EPHA6: variants seen among roughly 807,000 people sequenced by gnomAD.
The protein encoded by EPHA6 is EPH receptor A6.
A neutral mutation model predicts 112.0 loss-of-function variants in EPHA6; 50 were observed. That is an observed-to-expected ratio of 0.45 (90% CI 0.36 to 0.56). The LOEUF (loss-of-function observed/expected upper bound fraction) is 0.56, where lower values mean the gene tolerates loss of function less well. Ranked by LOEUF, EPHA6 falls within the 20% of genes least tolerant of loss-of-function variation. The pLI is 0.00. For synonymous variants in EPHA6, 529 were observed against 490.7 expected, an observed-to-expected ratio of 1.08 and a Z score of -1.03; for missense variants, 1,280 against 1,417.4, an observed-to-expected ratio of 0.90 and a Z score of 1.56.
intron 5 of EPHA6, among the ~76,000 whole-genome samples, chr3:97,393,343 T>C (rs905038393): frequency 3.3e-5 from 5 of 151,942 alleles, no homozygotes; most frequent in Middle Eastern, 3.4e-3. Flanking sequence ...CCTCTGGAAC[T>C]AAATAATAGT....
chr3:97,013,884 T>A (rs1053958737), intron 3 of EPHA6, among the ~76,000 whole-genome samples: 4 of 152,126 alleles, frequency 2.6e-5, no homozygotes, highest in African/African-American at 7.2e-5. Context: ...GTTTTTGGCA[T>A]GGGTCTTCAG....
chr3:97,334,866 C>T lies in EPHA6; in HGVS notation c.1607-70284C>T, dbSNP rs1485066243. 4.6e-5 allele frequency among the ~76,000 whole-genome samples: 7 copies of T among 151,938 alleles called. No homozygotes were observed. The East Asian group carries it at 1.4e-3, about 29-fold the overall frequency. ...TTTTCAGTTTTCTGTTGTCTTTCTCCCATTGATTTCTCATTTGATTCCATT... is the reference window on the plus strand; with the variant it reads ...TTTTCAGTTTTCTGTTGTCTTTCTCTCATTGATTTCTCATTTGATTCCATT... On this transcript the variant is annotated intron_variant, in intron 5 of 17. Coordinates refer to ENST00000389672, the MANE Select transcript of EPHA6 (RefSeq NM_001080448.3).
At chr3:97,414,603 A>T (rs2087978845) in intron 6 of EPHA6, among the ~76,000 whole-genome samples, 1 of 151,992 alleles carries the variant, frequency 6.6e-6, no homozygotes, top group Non-Finnish European at 1.5e-5. Context: ...TCAAGGGTAG[A>T]CTTAAGTGTC....
intron 14 of EPHA6, among the ~76,000 whole-genome samples, chr3:97,690,346 G>T (rs920903322): frequency 6.6e-6 from 1 of 152,154 alleles, no homozygotes; most frequent in Non-Finnish European, 1.5e-5. Flanking sequence ...ATTTCTAATG[G>T]ATGTGAAATG....
chr3:97,009,107 A>C (rs958638709), intron 3 of EPHA6, among the ~76,000 whole-genome samples: 2 of 151,894 alleles, frequency 1.3e-5, no homozygotes, highest in Non-Finnish European at 2.9e-5. Flanking sequence ...GGGGAGCAGG[A>C]CTCATTTAGT....
intron 3 of EPHA6, among the ~76,000 whole-genome samples, chr3:97,219,653 C>T (rs1284465493): frequency 6.6e-6 from 1 of 152,094 alleles, no homozygotes; most frequent in Non-Finnish European, 1.5e-5. Flanking sequence ...TTTTTCCCTC[C>T]TAGGCCTCCA....
intron 3 of EPHA6, among the ~76,000 whole-genome samples, chr3:97,081,931 A>G (rs1421059173): frequency 2.0e-5 from 3 of 151,670 alleles, no homozygotes; most frequent in African/African-American, 7.2e-5. Flanking sequence ...GCAAATTTTG[A>G]AAGAAAATTT....
At chr3:97,546,969 CT>C (rs1577728922) in intron 11 of EPHA6, among the ~76,000 whole-genome samples, 1 of 152,010 alleles carries the variant, frequency 6.6e-6, no homozygotes, top group African/African-American at 2.4e-5. Flanking sequence ...CATTCGTCTA[CT>C]TTTTTTTCAA....
Position 97,517,568 on chromosome 3 carries a change from G to A in EPHA6, c.2201-14790G>A, listed in dbSNP as rs984761774. ...CTAAATCAAGCTAATTAAAAAATTT[G>A]TTACTTCACATGCTTATTTTTGTGG... On this transcript the variant is annotated intron_variant, in intron 10 of 17. Coordinates refer to ENST00000389672, the MANE Select transcript of EPHA6 (RefSeq NM_001080448.3). Among the ~76,000 whole-genome samples the A allele has an allele frequency of 2.0e-4, 31 of 151,924 alleles. 1 individual carries two copies. Among genetic ancestry groups the A allele is most frequent in the Non-Finnish European group, 2.5e-4 (17 of 67,932 alleles).
At chr3:96,915,484 G>A (rs1336066363) in intron 2 of EPHA6, among the ~76,000 whole-genome samples, 1 of 151,970 alleles carries the variant, frequency 6.6e-6, no homozygotes. Context: ...AACACATATT[G>A]TTTACCTACT....
At chr3:97,683,848 A>T (rs952607455) in intron 14 of EPHA6, among the ~76,000 whole-genome samples, 1 of 152,138 alleles carries the variant, frequency 6.6e-6, no homozygotes, top group Non-Finnish European at 1.5e-5. Flanking sequence ...GAAGAAAAGG[A>T]ATTGTTCATT....
At chr3:97,207,399 G>C (rs924915640) in intron 3 of EPHA6, among the ~76,000 whole-genome samples, 3 of 152,200 alleles carry the variant, frequency 2.0e-5, no homozygotes, top group Admixed American at 2.0e-4. Flanking sequence ...AGATGGTCAA[G>C]GAATCAAACC....
At chr3:96,835,330 C>T (rs1210209165) in intron 1 of EPHA6, among the ~76,000 whole-genome samples, 1 of 151,970 alleles carries the variant, frequency 6.6e-6, no homozygotes, top group African/African-American at 2.4e-5. Flanking sequence ...TCAAAGGCTT[C>T]AAAGGAAGTG....
intron 3 of EPHA6, among the ~76,000 whole-genome samples, chr3:97,014,177 A>G (rs2044185357): frequency 1.3e-5 from 2 of 152,212 alleles, no homozygotes; most frequent in South Asian, 4.1e-4. Flanking sequence ...AGAGATAAAA[A>G]GAGCGATAGA....
intron 5 of EPHA6, among the ~76,000 whole-genome samples, chr3:97,344,940 G>T (rs2083466868): frequency 6.6e-6 from 1 of 152,048 alleles, no homozygotes; most frequent in South Asian, 2.1e-4. Context: ...AGAAAGAATA[G>T]GATTGGATTT....
rs1313101113 is a variant in EPHA6, at chr3:97,748,574, T to C, written c.3279-13T>C. 1 of 1,416,522 alleles carries C rather than the reference T, an allele frequency of 7.1e-7. No individual in the cohort carries two copies. The allele number at this position is 1,416,522 out of a possible 1,614,324, so 87.7% of individuals were successfully genotyped here. A position where few individuals can be genotyped will look rare whatever the true frequency, so the allele number is the denominator to read the frequency against. ...CACTCTCGCTCTCACTCTTGCTCTC[T>C]CCTTTCTTTCAGTGACATTAGAAGA... is the stretch of plus-strand genomic sequence containing the variant. On this transcript the variant is annotated splice_polypyrimidine_tract_variant and intron_variant, in intron 17 of 17. Transcript: ENST00000389672.
chr3:96,963,617 A>G (rs958509826), intron 2 of EPHA6, among the ~76,000 whole-genome samples: 1 of 152,188 alleles, frequency 6.6e-6, no homozygotes, highest in Admixed American at 6.5e-5. Flanking sequence ...AGTGGAGGCA[A>G]CTTGAGTCCA....
chr3:97,127,347 T>G (rs1358306643), intron 3 of EPHA6, among the ~76,000 whole-genome samples: 1 of 152,162 alleles, frequency 6.6e-6, no homozygotes, highest in Non-Finnish European at 1.5e-5. Context: ...AATGAAGCTC[T>G]TATCTTCTTC....
intron 6 of EPHA6, among the ~76,000 whole-genome samples, chr3:97,424,729 C>A (rs1229275248): frequency 6.6e-6 from 1 of 150,958 alleles, no homozygotes; most frequent in Non-Finnish European, 1.5e-5. Context: ...TCACTTGAAC[C>A]CAGGAGGCAG....
Sources: allele counts gnomAD v4.1 joint callset (sites outside exome capture counted in the v4.1 genomes callset), GRCh38; gene constraint gnomAD v4.1.1; transcripts MANE v1.5; gene names NCBI Gene and HGNC (gene_info 2026-07-23, HGNC 2026-07-21).